ROBO1: variants seen among roughly 807,000 people sequenced by gnomAD.
ROBO1 encodes the protein roundabout homolog 1.
In ROBO1, 149 loss-of-function variants were observed where a neutral mutation model predicts 195.9. The ratio of observed to expected loss-of-function variants is 0.76; its 90% CI spans 0.67 to 0.87. The LOEUF (loss-of-function observed/expected upper bound fraction) is 0.87, where lower values mean the gene tolerates loss of function less well. Among genes scored for constraint, ROBO1 ranks in the 40% least tolerant of loss-of-function variants. The pLI, the probability that ROBO1 is intolerant of heterozygous loss-of-function variation, is 0.00. For missense variants in ROBO1, 1,933 were observed against 2,068.3 expected (o/e 0.93, Z 1.27); for synonymous variants, 816 against 733.2 (o/e 1.11, Z -1.82).
chr3:78,611,979 G>T (rs1027829), intron 28 of ROBO1, among the ~76,000 whole-genome samples: 96,301 of 151,880 alleles, frequency 0.63, 31,659 homozygotes, highest in Admixed American at 0.76. Context: ...TTCTGTTTTT[G>T]AAGCCACCTG....
At chr3:79,018,094 T>A (rs2077997678) in intron 3 of ROBO1, among the ~76,000 whole-genome samples, 1 of 152,028 alleles carries the variant, frequency 6.6e-6, no homozygotes, top group South Asian at 2.1e-4. Context: ...AGCCGCTGCC[T>A]CCTCCCACCC....
At chr3:79,317,171 T>C (rs2033772989) in intron 2 of ROBO1, among the ~76,000 whole-genome samples, 1 of 152,162 alleles carries the variant, frequency 6.6e-6, no homozygotes, top group Non-Finnish European at 1.5e-5. Flanking sequence ...TCTGTAAATG[T>C]GTATGTATTT....
chr3:78,874,475 A>T (rs1187352223), intron 4 of ROBO1, among the ~76,000 whole-genome samples: 1 of 151,908 alleles, frequency 6.6e-6, no homozygotes, highest in Non-Finnish European at 1.5e-5. Context: ...ATATAATACT[A>T]ATACACCGTA....
intron 2 of ROBO1, among the ~76,000 whole-genome samples, chr3:79,492,985 C>G (rs961577320): frequency 2.6e-5 from 4 of 151,892 alleles, no homozygotes; most frequent in Non-Finnish European, 5.9e-5. Context: ...TAACTGAATA[C>G]AATCTAATTT....
chr3:79,652,208 G>A (rs917677879), intron 1 of ROBO1, among the ~76,000 whole-genome samples: 4 of 151,954 alleles, frequency 2.6e-5, no homozygotes, highest in Admixed American at 2.6e-4. Context: ...GATTCTCCAG[G>A]GGGAATTCTA....
chr3:79,489,603 C>T (rs538690570), intron 2 of ROBO1, among the ~76,000 whole-genome samples: 3 of 146,560 alleles, frequency 2.0e-5, no homozygotes, highest in Non-Finnish European at 3.0e-5. Flanking sequence ...TGCAGTGAGC[C>T]GAGAACACGC....
At chr3:78,704,057 A>G (rs1289646125) in intron 8 of ROBO1, among the ~76,000 whole-genome samples, 1 of 152,134 alleles carries the variant, frequency 6.6e-6, no homozygotes, top group African/African-American at 2.4e-5. Flanking sequence ...CAAAATGTTG[A>G]TGAACTCACA....
intron 1 of ROBO1, among the ~76,000 whole-genome samples, chr3:79,707,219 T>G (rs1020550894): frequency 5.1e-4 from 78 of 152,144 alleles, no homozygotes; most frequent in African/African-American, 1.8e-3. Context: ...CTTGTGAGAG[T>G]ACTGACATAT....
chr3:79,289,001 C>A (rs1245870061), intron 2 of ROBO1, among the ~76,000 whole-genome samples: 1 of 151,860 alleles, frequency 6.6e-6, no homozygotes, highest in Non-Finnish European at 1.5e-5. Context: ...AACAACATGT[C>A]TTTCAATGAA....
intron 3 of ROBO1, among the ~76,000 whole-genome samples, chr3:79,088,085 C>T (rs757751943): frequency 1.6e-4 from 24 of 152,032 alleles, no homozygotes; most frequent in Admixed American, 7.2e-4. Flanking sequence ...GTGTTGATGA[C>T]GGTTGTGTTC....
chr3:79,295,130 T>C (rs2032507699), intron 2 of ROBO1, among the ~76,000 whole-genome samples: 1 of 152,150 alleles, frequency 6.6e-6, no homozygotes, highest in African/African-American at 2.4e-5. Flanking sequence ...ATCATTCTAC[T>C]ATAAAGACAC....
intron 4 of ROBO1, among the ~76,000 whole-genome samples, chr3:78,914,808 T>G (rs2038459836): frequency 6.7e-6 from 1 of 148,772 alleles, no homozygotes; most frequent in African/African-American, 2.4e-5. Flanking sequence ...CATTTAAACT[T>G]AACTAAAACC....
chr3:79,470,634 A>G (rs1270988396), intron 2 of ROBO1, among the ~76,000 whole-genome samples: 2 of 152,130 alleles, frequency 1.3e-5, no homozygotes, highest in African/African-American at 4.8e-5. Flanking sequence ...ACATAATTTA[A>G]TCATGGGGGC....
At chr3:79,280,313 T>C (rs1297004848) in intron 2 of ROBO1, among the ~76,000 whole-genome samples, 1 of 152,156 alleles carries the variant, frequency 6.6e-6, no homozygotes, top group Non-Finnish European at 1.5e-5. Flanking sequence ...ATACATTATA[T>C]GTTTTGAAAT....
chr3:78,657,331 C>T (rs1707102516), intron 17 of ROBO1, 62 bp from the exon 18 acceptor site: 2 of 1,548,394 alleles, frequency 1.3e-6, no homozygotes, highest in Non-Finnish European at 1.8e-6. Context: ...CAAAGATCAA[C>T]ACAGGGTTGC....
chr3:79,642,360 A>T (rs73122750), intron 1 of ROBO1, among the ~76,000 whole-genome samples: 2,296 of 152,288 alleles, frequency 0.015, 19 homozygotes, highest in Non-Finnish European at 0.025. Flanking sequence ...AAGCTTATTC[A>T]AGGAAATGGT....
intron 3 of ROBO1, among the ~76,000 whole-genome samples, chr3:79,083,252 A>G (rs1263012694): frequency 6.6e-6 from 1 of 152,154 alleles, no homozygotes; most frequent in Admixed American, 6.5e-5. Flanking sequence ...TTGATAATGG[A>G]CATGAAGAAA....
intron 20 of ROBO1, among the ~76,000 whole-genome samples, chr3:78,647,247 T>C (rs1706356692): frequency 6.6e-6 from 1 of 151,994 alleles, no homozygotes; most frequent in Non-Finnish European, 1.5e-5. Context: ...GACAGAGAAT[T>C]ATAAGGGAGA....
chr3:79,747,082 T>G (rs1703908883), intron 1 of ROBO1, among the ~76,000 whole-genome samples: 1 of 152,056 alleles, frequency 6.6e-6, no homozygotes, highest in African/African-American at 2.4e-5. Flanking sequence ...GTAGGGAATA[T>G]AAACTCACTT....
Sources: gnomAD v4.1 joint callset for allele counts (sites outside exome capture counted in the v4.1 genomes callset) on GRCh38, gnomAD v4.1.1 for gene constraint, MANE v1.5 for transcripts, NCBI Gene and HGNC (gene_info 2026-07-23, HGNC 2026-07-21) for gene names.